The following PUS7L variants were observed in gnomAD, a reference collection of about 807,000 sequenced individuals.
PUS7L encodes the protein pseudouridylate synthase PUS7L.
PUS7L carries 49 observed loss-of-function variants against 51.1 expected under a neutral mutation model. That is an observed-to-expected ratio of 0.96 (90% confidence interval 0.76 to 1.22). The LOEUF (loss-of-function observed/expected upper bound fraction) is 1.22, where lower values mean the gene tolerates loss of function less well. Ranked by LOEUF, PUS7L falls within the 50% of genes most tolerant of loss-of-function variation. PUS7L has a pLI of 0.00. For missense variants in PUS7L, 828 were observed against 820.6 expected (o/e 1.01, Z -0.11); for synonymous variants, 277 against 276.2 (o/e 1.00, Z -0.03).
intron 7 of PUS7L, among the ~76,000 whole-genome samples, chr12:43,736,143 G>A (rs1944682966): frequency 6.6e-6 from 1 of 152,038 alleles, no homozygotes; most frequent in South Asian, 2.1e-4. Flanking sequence ...GTTTTTTAAA[G>A]GAAGCTTTAC....
In PUS7L at chr12:43,754,441, C is replaced by T; in HGVS notation, c.805G>A (p.Ala269Thr). The change falls in exon 2 of 9, where the codon GCT (alanine) becomes ACT (threonine). Residue 269 changes from alanine to threonine, a missense_variant. Transcript: ENST00000344862. ...GTTACCACCACATTCGGATTACCAG[C>T]ACTGCAATTCATTTTAGAAAAAGAT... ...TKSFSKMNCS[A>T]GNPNVVVTVR... 1 of 1,613,840 alleles carries T rather than the reference C, an allele frequency of 6.2e-7. No homozygotes were observed. The highest frequency in any genetic ancestry group is 8.5e-7 in the Non-Finnish European group (1 of 1,179,788).
intron 3 of PUS7L, among the ~76,000 whole-genome samples, chr12:43,746,556 A>G (rs1380085478): frequency 6.6e-6 from 1 of 152,140 alleles, no homozygotes; most frequent in Non-Finnish European, 1.5e-5. Flanking sequence ...CCTGTCCCCA[A>G]CTCTGCTCCT....
intron 1 of PUS7L, 76 bp downstream of exon 1, chr12:43,758,654 A>ACCC (rs760755963): frequency 3.2e-5 from 15 of 462,540 alleles, no homozygotes; most frequent in Admixed American, 7.8e-4. Context: ...CAACCTCGTC[A>ACCC]CCCCCCCCCC....
intron 2 of PUS7L, among the ~76,000 whole-genome samples, chr12:43,753,909 G>A (rs1938570429): frequency 6.6e-6 from 1 of 152,190 alleles, no homozygotes; most frequent in Admixed American, 6.5e-5. Context: ...ATTTGTTTTG[G>A]ATTACAGAGT....
chr12:43,725,044 AG>A lies in PUS7L; in HGVS notation c.*5331del, dbSNP rs1289922071. 1 of 152,232 alleles carries A rather than the reference AG, an allele frequency of 6.6e-6. No homozygotes were observed. Among genetic ancestry groups the A allele is most frequent in the African/African-American group, 2.4e-5 (1 of 41,464 alleles). 9.4% of individuals were successfully genotyped at this position (152,232 alleles called of 1,614,324 possible). A position where few individuals can be genotyped will look rare whatever the true frequency, so the allele number is the denominator to read the frequency against. ...GCATAGTTGGCTAAAAAGGTAAATC[AG>A]CCAATGTTGATATATGTAAATAGTA... On this transcript the variant is annotated 3_prime_UTR_variant, in exon 9 of 9. Transcript: ENST00000344862.
chr12:43,751,674 T>C (rs375875285), intron 2 of PUS7L, among the ~76,000 whole-genome samples: 1 of 152,220 alleles, frequency 6.6e-6, no homozygotes, highest in Non-Finnish European at 1.5e-5. Flanking sequence ...GCATGTGTCT[T>C]TATAGCAGCA....
intron 2 of PUS7L, among the ~76,000 whole-genome samples, chr12:43,750,093 C>T (rs1938371113): frequency 6.6e-6 from 1 of 152,154 alleles, no homozygotes; most frequent in South Asian, 2.1e-4. Context: ...ATTTGTCTTA[C>T]TTCTATGCAT....
intron 2 of PUS7L, 71 bp downstream of exon 2, chr12:43,754,265 T>C: frequency 9.4e-7 from 1 of 1,064,868 alleles, no homozygotes; most frequent in Non-Finnish European, 1.4e-6. Flanking sequence ...CCAAGTCTGT[T>C]CAATTCATTT....
In PUS7L at chr12:43,752,162, G is replaced by A. The variant is rs117358683; in HGVS notation, c.910+2174C>T. Among the ~76,000 whole-genome samples the A allele has an allele frequency of 6.4e-3, 981 of 152,280 alleles. 2 individuals are homozygous for A. The highest frequency in any genetic ancestry group is 0.011 in the Non-Finnish European group (779 of 68,036). On this transcript the variant is annotated intron_variant, in intron 2 of 8. Transcript: ENST00000344862. Reference sequence around the variant, plus strand: ...ATTCTGTAGGTTGCCTGTTCACTCTGATGGGCTGCAGTTATTTAAAAGCCT... The same window carrying A: ...ATTCTGTAGGTTGCCTGTTCACTCTAATGGGCTGCAGTTATTTAAAAGCCT...
At chr12:43,748,716 T>C in intron 2 of PUS7L, 107 bp from the exon 3 acceptor site, 1 of 961,118 alleles carries the variant, frequency 1.0e-6, no homozygotes, top group Non-Finnish European at 1.5e-6. Context: ...ATCTAAGGAG[T>C]TTTGTTGTTG....
Position 43,728,869 on chromosome 12 carries a change from A to G in PUS7L, c.*1507T>C, listed in dbSNP as rs563277745. 5.2e-6 allele frequency: 1 copy of G among 190,992 alleles called. No individual in the cohort carries two copies. Among genetic ancestry groups the G allele is most frequent in the South Asian group, 1.9e-4 (1 of 5,142 alleles). 11.8% of individuals were successfully genotyped at this position (190,992 alleles called of 1,614,324 possible). ...CAATGTTAACATGCCCATTTTACAG[A>G]TGTTGAAACTGAAGCCCATGAGTTT... On this transcript the variant is annotated 3_prime_UTR_variant, in exon 9 of 9. Coordinates refer to ENST00000344862, the MANE Select transcript of PUS7L (RefSeq NM_031292.5).
At chr12:43,735,619 TTAAC>T (rs1277010093) in intron 7 of PUS7L, among the ~76,000 whole-genome samples, 18 of 152,054 alleles carry the variant, frequency 1.2e-4, no homozygotes, top group African/African-American at 4.1e-4. Context: ...TTTCTCGGTG[TTAAC>T]TAATAGAATA....
chr12:43,730,172 G>C lies in PUS7L; in HGVS notation c.*204C>G. Reference sequence around the variant, plus strand: ...AATAGAAAAAAAACACAGGCTTTGGGGTCACATGGACCTTAAATTTGGACC... The same window carrying C: ...AATAGAAAAAAAACACAGGCTTTGGCGTCACATGGACCTTAAATTTGGACC... On this transcript the variant is annotated 3_prime_UTR_variant, in exon 9 of 9. Transcript: ENST00000344862. The C allele has an allele frequency of 1.9e-6, 1 of 534,042 alleles. No homozygotes were observed. Among genetic ancestry groups the C allele is most frequent in the South Asian group, 2.9e-5 (1 of 34,712 alleles). 33.1% of individuals were successfully genotyped at this position (534,042 alleles called of 1,614,324 possible).
intron 5 of PUS7L, chr12:43,739,375 T>C (rs1937774444): frequency 6.6e-6 from 1 of 152,196 alleles, no homozygotes; most frequent in Admixed American, 6.5e-5. Context: ...GCTATAACTT[T>C]CAGGTTAGGA....
At chr12:43,744,447 C>T (rs1031594417) in intron 4 of PUS7L, among the ~76,000 whole-genome samples, 1 of 152,206 alleles carries the variant, frequency 6.6e-6, no homozygotes, top group East Asian at 1.9e-4. Flanking sequence ...CATTCATTCT[C>T]TCTCCTGTCA....
intron 3 of PUS7L, 39 bp from the exon 4 acceptor site, chr12:43,746,277 C>A: frequency 1.1e-6 from 1 of 913,436 alleles, no homozygotes; most frequent in Non-Finnish European, 1.6e-6. Flanking sequence ...TTAAATTTTA[C>A]ATTTAAAAAT....
At chr12:43,742,370 T>C (rs1464945256) in intron 5 of PUS7L, 87 bp downstream of exon 5, 4 of 865,514 alleles carry the variant, frequency 4.6e-6, no homozygotes, top group Non-Finnish European at 7.5e-6. Flanking sequence ...TGCATTTATA[T>C]GCTAGAGTTA....
chr12:43,738,209 T>C, intron 6 of PUS7L, 101 bp downstream of exon 6: 2 of 720,474 alleles, frequency 2.8e-6, no homozygotes, highest in Non-Finnish European at 5.0e-6. Context: ...ATTTATTTCT[T>C]ATCACATTTA....
chr12:43,728,953 T>G lies in PUS7L; in HGVS notation c.*1423A>C. ...GGCAGTGCCAGGGTTCAAACTGGGT[T>G]AGTTTGTCTCCAATATCTGTGCTTT... On this transcript the variant is annotated 3_prime_UTR_variant, in exon 9 of 9. Transcript: ENST00000344862. 1 of 306,060 alleles carries G rather than the reference T, an allele frequency of 3.3e-6. No individual in the cohort carries two copies. Among genetic ancestry groups the G allele is most frequent in the Non-Finnish European group, 6.0e-6 (1 of 167,140 alleles). The allele number at this position is 306,060 out of a possible 1,614,324, so 19.0% of individuals were successfully genotyped here. A position where few individuals can be genotyped will look rare whatever the true frequency, so the allele number is the denominator to read the frequency against.
Sources: gnomAD v4.1 joint callset for allele counts (sites outside exome capture counted in the v4.1 genomes callset) on GRCh38, gnomAD v4.1.1 for gene constraint, MANE v1.5 for transcripts, NCBI Gene and HGNC (gene_info 2026-07-23, HGNC 2026-07-21) for gene names.